Variants in PCDHGA1 observed in about 807,000 individuals in gnomAD.
The protein encoded by PCDHGA1 is protocadherin gamma-A1.
PCDHGA1 carries 32 observed loss-of-function variants against 58.0 expected under a neutral mutation model. The observed-to-expected ratio is 0.55, with a 90% CI of 0.42 to 0.74. The LOEUF (loss-of-function observed/expected upper bound fraction) is 0.74. Ranked by LOEUF, PCDHGA1 falls within the 30% of genes least tolerant of loss-of-function variation. PCDHGA1 has a pLI of 0.00. For missense variants in PCDHGA1, 1,205 were observed against 1,182.3 expected, an observed-to-expected ratio of 1.02 and a Z score of -0.28; for synonymous variants, 498 against 501.1, an observed-to-expected ratio of 0.99 and a Z score of 0.08.
chr5:141,339,288 T>C, intron 1 of PCDHGA1: 1 of 1,614,258 alleles, frequency 6.2e-7, no homozygotes, highest in East Asian at 2.2e-5. Context: ...CTGTTGAATT[T>C]TAACATTCTG....
intron 1 of PCDHGA1, chr5:141,340,110 C>A: frequency 1.2e-6 from 2 of 1,614,082 alleles, no homozygotes; most frequent in Non-Finnish European, 1.7e-6. Context: ...GGGCAGAACG[C>A]ATTCACCACC....
intron 1 of PCDHGA1, chr5:141,370,508 C>A: frequency 6.2e-7 from 1 of 1,613,908 alleles, no homozygotes. Context: ...ACGCTATTCC[C>A]GAGGAGCTGG....
Position 141,332,306 on chromosome 5 carries a change from C to G in PCDHGA1, c.1622C>G (p.Pro541Arg), listed in dbSNP as rs753282046. 1 of 1,614,240 alleles carries G rather than the reference C, an allele frequency of 6.2e-7. No individual in the cohort carries two copies. Among genetic ancestry groups the G allele is most frequent in the Non-Finnish European group, 8.5e-7 (1 of 1,180,046 alleles). The change falls in exon 1 of 4, where the codon CCC becomes CGC. Residue 541 changes from proline (P) to arginine (R), a missense_variant. Transcript: ENST00000517417. The surrounding 1 kb of genome is among the most constrained non-coding windows in gnomAD (Gnocchi z 4.6). ...KVMARDSGDP[P>R]LSSNVSLSLF... ...ATGGCGCGGGACAGTGGGGATCCGC[C>G]CCTCAGCAGCAACGTGTCTCTCAGC... is the stretch of plus-strand genomic sequence containing the variant.
intron 1 of PCDHGA1, chr5:141,356,910 T>G: frequency 6.2e-7 from 1 of 1,614,140 alleles, no homozygotes; most frequent in Admixed American, 1.7e-5. Flanking sequence ...TCCCTACTGA[T>G]GGCTCCACTG....
At chr5:141,338,876 C>A in intron 1 of PCDHGA1, 1 of 1,451,392 alleles carries the variant, frequency 6.9e-7, no homozygotes, top group Non-Finnish European at 9.1e-7. Flanking sequence ...GACCTGGGTC[C>A]CGTGAATGCT....
intron 3 of PCDHGA1, among the ~76,000 whole-genome samples, chr5:141,509,320 C>A (rs1261653347): frequency 6.6e-6 from 1 of 152,194 alleles, no homozygotes; most frequent in Non-Finnish European, 1.5e-5. Flanking sequence ...GGGAGAGAAG[C>A]TCTACTGCCA....
intron 3 of PCDHGA1, 94 bp downstream of exon 3, chr5:141,505,575 C>T: frequency 6.3e-7 from 1 of 1,592,302 alleles, no homozygotes. Context: ...GATGTCAAAC[C>T]TGTGTAGTTT....
At chr5:141,360,361 A>T in intron 1 of PCDHGA1, 1 of 1,613,910 alleles carries the variant, frequency 6.2e-7, no homozygotes, top group Non-Finnish European at 8.5e-7. Context: ...GGAATATTTC[A>T]CAGTAAACCC....
In PCDHGA1 at chr5:141,438,090, A is replaced by G. The variant is rs560861677; in HGVS notation, c.2422-56717A>G. 1.2e-4 allele frequency among the ~76,000 whole-genome samples: 18 copies of G among 152,310 alleles called. No individual in the cohort carries two copies. In the South Asian group the frequency reaches 3.5e-3, roughly 30 times the overall value. ...CATACTTAATGGAAAATTACCAGTA[A>G]CAGGGCATACTGTTTAGGATGCATT... On this transcript the variant is annotated intron_variant, in intron 1 of 3. Coordinates refer to ENST00000517417, the MANE Select transcript of PCDHGA1 (RefSeq NM_018912.3).
At position 141,345,755 on chromosome 5, in the gene PCDHGA1, C is replaced by T. The variant is rs1407265587; in HGVS notation, c.2421+12650C>T. 9 of 1,614,108 alleles carry T rather than the reference C, an allele frequency of 5.6e-6. No homozygotes were observed. The African/African-American group carries it at 1.1e-4, about 19-fold the overall frequency. On this transcript the variant is annotated intron_variant, in intron 1 of 3. Coordinates refer to ENST00000517417, the MANE Select transcript of PCDHGA1 (RefSeq NM_018912.3). ...CCCTCCCCACAGACGGTTCCACTGG[C>T]GTGGAGCTGGCGCCTCGCTCCGCAG...
At chr5:141,386,634 G>A (rs1351043708) in intron 1 of PCDHGA1, among the ~76,000 whole-genome samples, 2 of 151,884 alleles carry the variant, frequency 1.3e-5, no homozygotes, top group Non-Finnish European at 2.9e-5. Context: ...CTGTCACCCA[G>A]GCTGGATACA....
At position 141,489,135 on chromosome 5, in the gene PCDHGA1, G is replaced by T; in HGVS notation, c.2422-5672G>T. The T allele has an allele frequency of 1.4e-6, 1 of 725,448 alleles. No individual in the cohort carries two copies. The highest frequency in any genetic ancestry group is 2.1e-6 in the Non-Finnish European group (1 of 470,770). 44.9% of individuals were successfully genotyped at this position (725,448 alleles called of 1,614,324 possible). ...GCAAACCTCCGAGCAGTTTTTAAGA[G>T]GCTGGAAGGAGACATAAGAGACTTC... On this transcript the variant is annotated intron_variant, in intron 1 of 3. Coordinates refer to ENST00000517417, the MANE Select transcript of PCDHGA1 (RefSeq NM_018912.3). The surrounding 1 kb of genome is among the most constrained non-coding windows in gnomAD (Gnocchi z 4.5).
In PCDHGA1 at chr5:141,499,676, C is replaced by G. The variant is rs534287777; in HGVS notation, c.2480+4811C>G. On this transcript the variant is annotated intron_variant, in intron 2 of 3. Coordinates refer to ENST00000517417, the MANE Select transcript of PCDHGA1 (RefSeq NM_018912.3). Reference sequence around the variant, plus strand: ...ATAATTTCATCTTGGTCTCCACCATCTTTAACAGATGACTTTTTTTTTTTT... The same window carrying G: ...ATAATTTCATCTTGGTCTCCACCATGTTTAACAGATGACTTTTTTTTTTTT... Among the ~76,000 whole-genome samples, 13 of 144,474 alleles carry G rather than the reference C, an allele frequency of 9.0e-5. No homozygotes were observed. In the South Asian group the frequency reaches 2.9e-3, roughly 33 times the overall value. The allele number at this position is 144,474 out of a possible 152,430, so 94.8% of individuals were successfully genotyped here.
At chr5:141,340,574 C>G in intron 1 of PCDHGA1, 1 of 1,614,204 alleles carries the variant, frequency 6.2e-7, no homozygotes, top group Non-Finnish European at 8.5e-7. Flanking sequence ...GGTGATAGCG[C>G]GGGACAGCGG....
Position 141,431,897 on chromosome 5 carries a change from G to A in PCDHGA1, c.2422-62910G>A. On this transcript the variant is annotated intron_variant, in intron 1 of 3. Transcript: ENST00000517417. This position sits in a 1 kb window ranked among gnomAD's most constrained non-coding sequence, Gnocchi z 4.8. ...AAATGACCAAGATTCTGAGGAAAAC[G>A]GACAGGTGATCTGTTTCATCCAAGG... is the stretch of plus-strand genomic sequence containing the variant. 6 of 1,613,830 alleles carry A rather than the reference G, an allele frequency of 3.7e-6. No individual in the cohort carries two copies. The highest frequency in any genetic ancestry group is 5.1e-6 in the Non-Finnish European group (6 of 1,179,704).
rs767701229 is a variant in PCDHGA1, at chr5:141,405,417, T to TTTTTG, written c.2421+72327_2421+72331dup. 250 of 1,563,234 alleles carry TTTTTG rather than the reference T, an allele frequency of 1.6e-4. 1 individual carries two copies. Among genetic ancestry groups the TTTTTG allele is most frequent in the Admixed American group, 1.3e-4 (7 of 55,240 alleles). On this transcript the variant is annotated intron_variant, in intron 1 of 3. Coordinates refer to ENST00000517417, the MANE Select transcript of PCDHGA1 (RefSeq NM_018912.3). The stretch of plus-strand genomic sequence containing the variant: ...TTCTTTCTTTCTTTTCTTTTTTTGT[T>TTTTTG]TTTTGTTTTGTTTTGTTTTTGAGAC...
intron 1 of PCDHGA1, chr5:141,339,957 C>A: frequency 6.2e-7 from 1 of 1,614,112 alleles, no homozygotes; most frequent in Non-Finnish European, 8.5e-7. Context: ...GGCCTTCTAA[C>A]CAGAGCGAAG....
chr5:141,394,485 A>G (rs376708104), intron 1 of PCDHGA1: 3 of 1,614,184 alleles, frequency 1.9e-6, no homozygotes, highest in Non-Finnish European at 2.5e-6. Flanking sequence ...CCAGAATGAC[A>G]ACGCGCCCGA....
chr5:141,431,002 C>A lies in PCDHGA1; in HGVS notation c.2422-63805C>A, dbSNP rs1055964066. The A allele has an allele frequency of 6.2e-7, 1 of 1,613,836 alleles. No individual in the cohort carries two copies. Among genetic ancestry groups the A allele is most frequent in the Admixed American group, 1.7e-5 (1 of 59,990 alleles). The stretch of plus-strand genomic sequence containing the variant: ...AGCTTTTCGCCCTGAATCCGCGCAG[C>A]GGCAGCTTGGTCACGGCGGGCAGGA... On this transcript the variant is annotated intron_variant, in intron 1 of 3. Transcript: ENST00000517417. The surrounding 1 kb of genome is among the most constrained non-coding windows in gnomAD (Gnocchi z 4.8).
Sources: allele counts gnomAD v4.1 joint callset (sites outside exome capture counted in the v4.1 genomes callset), GRCh38; gene constraint gnomAD v4.1.1; non-coding constraint Gnocchi (gnomAD v3.1); transcripts MANE v1.5; gene names NCBI Gene and HGNC (gene_info 2026-07-23, HGNC 2026-07-21).